BTAF1: variants seen among roughly 807,000 people sequenced by gnomAD.
BTAF1 encodes TATA-binding protein-associated factor 172.
BTAF1 carries 38 observed loss-of-function variants against 227.1 expected under a neutral mutation model. The observed-to-expected ratio is 0.17, with a 90% CI of 0.13 to 0.22. The LOEUF (loss-of-function observed/expected upper bound fraction) is 0.22. BTAF1 is among the 10% of genes least tolerant of loss of function. The pLI is 1.00. For missense variants in BTAF1, 1,598 were observed against 2,204.0 expected (o/e 0.73, Z 5.51); for synonymous variants, 742 against 751.9 (o/e 0.99, Z 0.21).
rs139291333 is a variant in BTAF1 at position 91,962,578 on chromosome 10, T to C, written c.1304T>C (p.Ile435Thr). ...NTLLPKVLTR[I>T]IEGLQDLDDD... ...TTATTGCCTAAAGTTTTAACTAGAA[T>C]AATTGAAGGACTCCAGGATCTTGAT... The change falls in exon 12 of 38, where the codon ATA becomes ACA. Residue 435 changes from isoleucine to threonine, a missense_variant. Ile to Thr is a moderately conservative substitution (Grantham distance 89). This residue lies in a region of BTAF1 where 52 missense variants were observed against 72.4 expected (regional missense o/e 0.72). Coordinates refer to ENST00000265990, the MANE Select transcript of BTAF1 (RefSeq NM_003972.3). The C allele has an allele frequency of 1.0e-5, 16 of 1,595,446 alleles. No homozygotes were observed. The highest frequency in any genetic ancestry group is 1.4e-5 in the Non-Finnish European group (16 of 1,165,174).
At position 91,964,086 on chromosome 10, in the gene BTAF1, A is replaced by C. The variant is rs1171687288; in HGVS notation, c.1414A>C (p.Ile472Leu). The change falls in exon 13 of 38, where the codon ATT becomes CTT. Residue 472 changes from isoleucine to leucine, a missense_variant. Around this residue, in one of 10 missense-constraint regions of BTAF1, gnomAD observed 318 missense variants for 435.0 expected, o/e 0.73. Coordinates refer to ENST00000265990, the MANE Select transcript of BTAF1 (RefSeq NM_003972.3). ...AAAACTGATCTTATAGGTGCCCTTC[A>C]TTATAAATACATTGTGGGATGCTCT... Reference protein sequence around the residue: ...VYLQTQKVPFIINTLWDALLE... With the variant: ...VYLQTQKVPFLINTLWDALLE... 1 of 1,613,212 alleles carries C rather than the reference A, an allele frequency of 6.2e-7. No homozygotes were observed. Among genetic ancestry groups the C allele is most frequent in the South Asian group, 1.1e-5 (1 of 91,044 alleles).
chr10:91,924,961 A>G (rs1312861105), intron 1 of BTAF1, among the ~76,000 whole-genome samples: 3 of 152,228 alleles, frequency 2.0e-5, no homozygotes, highest in African/African-American at 4.8e-5. Flanking sequence ...GGATTCTTTT[A>G]CCATATAGAC....
Position 91,989,460 on chromosome 10 carries a change from A to AGTG in BTAF1, c.2734_2735insGTG (p.Thr912delinsSerAla). ...ACTCCTTCAGCAGTGCACAACAAGG[A>AGTG]CGCCCTGTCCCAATTCAAAAATTAT... On this transcript the variant is annotated protein_altering_variant, in exon 20 of 38. Coordinates refer to ENST00000265990, the MANE Select transcript of BTAF1 (RefSeq NM_003972.3). The AGTG allele has an allele frequency of 6.2e-7, 1 of 1,614,074 alleles. No homozygotes were observed. The highest frequency in any genetic ancestry group is 1.1e-5 in the South Asian group (1 of 91,078).
At chr10:91,966,543 T>C in intron 13 of BTAF1, 94 bp from the exon 14 acceptor site, 1 of 1,325,748 alleles carries the variant, frequency 7.5e-7, no homozygotes, top group Non-Finnish European at 1.0e-6. Flanking sequence ...TCACATGGTG[T>C]CAGCATCACT....
chr10:91,943,000 G>A (rs1456789053), intron 4 of BTAF1, among the ~76,000 whole-genome samples: 1 of 151,990 alleles, frequency 6.6e-6, no homozygotes, highest in Non-Finnish European at 1.5e-5. Context: ...ACTCATGCTG[G>A]TGTCCAACGC....
intron 13 of BTAF1, among the ~76,000 whole-genome samples, chr10:91,964,628 A>C (rs1371997621): frequency 6.6e-6 from 1 of 152,018 alleles, no homozygotes; most frequent in Non-Finnish European, 1.5e-5. Context: ...CATGTCTTCA[A>C]CTCTTGTTCT....
chr10:91,964,083 T>C lies in BTAF1; in HGVS notation c.1411T>C (p.Phe471Leu), dbSNP rs759764980. The change falls in exon 13 of 38, where the codon TTC becomes CTC. Residue 471 changes from phenylalanine to leucine, a missense_variant. Physicochemically the swap from Phe to Leu is conservative, Grantham distance 22. Around this residue, in one of 10 missense-constraint regions of BTAF1, gnomAD observed 318 missense variants for 435.0 expected, o/e 0.73. Coordinates refer to ENST00000265990, the MANE Select transcript of BTAF1 (RefSeq NM_003972.3). Reference protein sequence around the residue: ...LVYLQTQKVPFIINTLWDALL... With the variant: ...LVYLQTQKVPLIINTLWDALL... ...TTGAAAACTGATCTTATAGGTGCCC[T>C]TCATTATAAATACATTGTGGGATGC... 1.2e-6 allele frequency: 2 copies of C among 1,613,044 alleles called. No homozygotes were observed. The highest frequency in any genetic ancestry group is 1.7e-6 in the Non-Finnish European group (2 of 1,179,748).
In BTAF1 at chr10:92,024,734, T is replaced by TTTTTTG. The variant is rs201411590; in HGVS notation, c.4864-17_4864-16insGTTTTT. The TTTTTTG allele has an allele frequency of 4.0e-4, 608 of 1,526,878 alleles. 3 individuals are homozygous for TTTTTTG. Among genetic ancestry groups the TTTTTTG allele is most frequent in the Admixed American group, 7.0e-4 (35 of 49,646 alleles). The allele number at this position is 1,526,878 out of a possible 1,614,324, so 94.6% of individuals were successfully genotyped here. ...TGCTTTTATTGAACGCTTATGTAGT[T>TTTTTTG]TTTTTTTTTTTTCTTCCTAAGTTGC... On this transcript the variant is annotated intron_variant, in intron 34 of 37. Transcript: ENST00000265990.
intron 4 of BTAF1, among the ~76,000 whole-genome samples, chr10:91,946,632 G>A (rs1341329567): frequency 6.6e-6 from 1 of 152,054 alleles, no homozygotes. Flanking sequence ...TTGTGATTTT[G>A]ATTTGCATTT....
chr10:91,961,375 T>C (rs980758087), intron 11 of BTAF1, among the ~76,000 whole-genome samples: 1 of 152,216 alleles, frequency 6.6e-6, no homozygotes, highest in African/African-American at 2.4e-5. Flanking sequence ...CCATGCTCAC[T>C]GTATAACAGA....
chr10:92,000,007 G>A (rs186303351), intron 25 of BTAF1, among the ~76,000 whole-genome samples: 18 of 152,098 alleles, frequency 1.2e-4, no homozygotes, highest in Admixed American at 9.8e-4. Flanking sequence ...GTGACTGCAG[G>A]GGTATTTTTC....
rs368258583 is a variant in BTAF1 at position 91,989,413 on chromosome 10, A to G, written c.2687A>G (p.Tyr896Cys). The change falls in exon 20 of 38, where the codon TAT becomes TGT. Residue 896 changes from tyrosine (Y) to cysteine (C), a missense_variant. Physicochemically the swap from Tyr to Cys is radical, Grantham distance 194. Transcript: ENST00000265990. ...KKEENTLVQNYAAQCIAKLLQ... is the reference protein window; with the variant it reads ...KKEENTLVQNCAAQCIAKLLQ... The stretch of plus-strand genomic sequence containing the variant: ...GAAGAGAATACACTAGTGCAAAACT[A>G]TGCAGCTCAGTGCATAGCTAAACTC... 43 of 1,614,090 alleles carry G rather than the reference A, an allele frequency of 2.7e-5. No homozygotes were observed. Among genetic ancestry groups the G allele is most frequent in the Admixed American group, 1.5e-4 (9 of 60,010 alleles).
intron 4 of BTAF1, among the ~76,000 whole-genome samples, chr10:91,950,311 C>A (rs1352761476): frequency 6.8e-6 from 1 of 147,050 alleles, no homozygotes; most frequent in Admixed American, 6.8e-5. Flanking sequence ...CTATTCCCAT[C>A]TTTTTAAGTA....
In BTAF1 at chr10:92,016,349, T is replaced by C; in HGVS notation, c.4594T>C (p.Tyr1532His). 1 of 1,598,658 alleles carries C rather than the reference T, an allele frequency of 6.3e-7. No homozygotes were observed. Among genetic ancestry groups the C allele is most frequent in the South Asian group, 1.2e-5 (1 of 86,636 alleles). The change falls in exon 33 of 38, where the codon TAT (tyrosine) becomes CAT (histidine). Residue 1532 changes from tyrosine to histidine, a missense_variant. Transcript: ENST00000265990. ...GGGGGCCATTTTACAGGTTCAGCTC[T>C]ATGAAGATTTTGCTAAGTCTCGTGC... ...CTLSPLQVQLYEDFAKSRAKC... is the reference protein window; with the variant it reads ...CTLSPLQVQLHEDFAKSRAKC...
chr10:91,966,749 C>G lies in BTAF1; in HGVS notation c.1642C>G (p.Gln548Glu), dbSNP rs763907737. 2 of 1,613,668 alleles carry G rather than the reference C, an allele frequency of 1.2e-6. No homozygotes were observed. The highest frequency in any genetic ancestry group is 1.1e-5 in the South Asian group (1 of 91,052). The change falls in exon 14 of 38, where the codon CAG (glutamine) becomes GAG (glutamate). Residue 548 changes from glutamine to glutamate, a missense_variant. Gln to Glu is a conservative substitution (Grantham distance 29, BLOSUM62 2). Around this residue, in one of 10 missense-constraint regions of BTAF1, gnomAD observed 318 missense variants for 435.0 expected, o/e 0.73. Coordinates refer to ENST00000265990, the MANE Select transcript of BTAF1 (RefSeq NM_003972.3). ...AACTCTGTTTACGTTATTATCAACA[C>G]AGGACCAGGTAAGAACTGATAACTA... ...LETLFTLLSTQDQNSSSWLIP... is the reference protein window; with the variant it reads ...LETLFTLLSTEDQNSSSWLIP...
chr10:91,946,829 T>C (rs1845398989), intron 4 of BTAF1, among the ~76,000 whole-genome samples: 1 of 151,952 alleles, frequency 6.6e-6, no homozygotes, highest in South Asian at 2.1e-4. Context: ...GCATTTCCTT[T>C]TTTTCTTTTT....
At position 92,029,337 on chromosome 10, in the gene BTAF1, T is replaced by C. The variant is rs1337499786; in HGVS notation, c.*404T>C. The C allele has an allele frequency of 6.5e-6, 1 of 153,014 alleles. No homozygotes were observed. The highest frequency in any genetic ancestry group is 2.4e-5 in the African/African-American group (1 of 41,474). 9.5% of individuals were successfully genotyped at this position (153,014 alleles called of 1,614,324 possible). ...ACTTGTTTTTATAATTGATTTAAAA[T>C]AGGGCTTTTTTTCTATAAAAGCCTT... On this transcript the variant is annotated 3_prime_UTR_variant, in exon 38 of 38. Transcript: ENST00000265990.
At chr10:91,948,387 A>G (rs1486760462) in intron 4 of BTAF1, among the ~76,000 whole-genome samples, 3 of 150,044 alleles carry the variant, frequency 2.0e-5, no homozygotes, top group Non-Finnish European at 3.0e-5. Flanking sequence ...TTATTTATTT[A>G]TTTATTTATT....
At chr10:91,974,456 T>A (rs1473805498) in intron 14 of BTAF1, among the ~76,000 whole-genome samples, 2 of 152,236 alleles carry the variant, frequency 1.3e-5, no homozygotes, top group Non-Finnish European at 2.9e-5. Flanking sequence ...CCATGGCATT[T>A]GTGAAAATAT....
Sources: gnomAD v4.1 joint callset for allele counts (sites outside exome capture counted in the v4.1 genomes callset) on GRCh38, gnomAD v4.1.1 for gene constraint, gnomAD v4.1.1 regional missense constraint, MANE v1.5 for transcripts, NCBI Gene and HGNC (gene_info 2026-07-23, HGNC 2026-07-21) for gene names.